WDR17: variants seen among roughly 807,000 people sequenced by gnomAD.
WDR17 encodes the protein WD repeat-containing protein 17.
Under a neutral mutation model 161.7 loss-of-function variants are expected in WDR17, and 143 were observed. That is an observed-to-expected ratio of 0.88 (90% CI 0.77 to 1.02). The LOEUF is 1.02. Ranked by LOEUF, WDR17 falls within the 50% of genes least tolerant of loss-of-function variation. The pLI is 0.00. For missense variants in WDR17, 1,469 were observed against 1,520.9 expected, an observed-to-expected ratio of 0.97 and a Z score of 0.57; for synonymous variants, 517 against 515.6, an observed-to-expected ratio of 1.00 and a Z score of -0.04.
intron 1 of WDR17, among the ~76,000 whole-genome samples, chr4:176,088,416 C>G (rs1188270012): frequency 1.3e-5 from 2 of 151,982 alleles, no homozygotes; most frequent in East Asian, 1.9e-4. Flanking sequence ...GAGACCCTAT[C>G]TCTTTAAAAA....
At chr4:176,153,704 A>G (rs1449368917) in intron 17 of WDR17, among the ~76,000 whole-genome samples, 2 of 152,224 alleles carry the variant, frequency 1.3e-5, no homozygotes, top group Non-Finnish European at 2.9e-5. Context: ...TGTAAATAAT[A>G]TAAAGTAAAA....
chr4:176,127,294 ATT>A lies in WDR17; in HGVS notation c.791-1429_791-1428del, dbSNP rs34588473. On this transcript the variant is annotated intron_variant, in intron 5 of 28. Coordinates refer to ENST00000508596, the MANE Select transcript of WDR17 (RefSeq NM_181265.4). ...GGATATAATTAATAATAGGCATGGA[ATT>A]TTTTTTTTTTTTTTGAGACAGTGTC... Among the ~76,000 whole-genome samples the A allele has an allele frequency of 9.2e-3, 1,311 of 143,024 alleles. 28 individuals carry two copies. Among genetic ancestry groups the A allele is most frequent in the African/African-American group, 0.031 (1,204 of 39,270 alleles). The allele number at this position is 143,024 out of a possible 152,430, so 93.8% of individuals were successfully genotyped here. A position where few individuals can be genotyped will look rare whatever the true frequency, so the allele number is the denominator to read the frequency against.
At chr4:176,169,965 A>C (rs1750466756) in intron 23 of WDR17, among the ~76,000 whole-genome samples, 1 of 152,204 alleles carries the variant, frequency 6.6e-6, no homozygotes, top group African/African-American at 2.4e-5. Flanking sequence ...TAAAATGCAT[A>C]TGAAAGAAAG....
At position 176,065,913 on chromosome 4, in the gene WDR17, C is replaced by T. The variant is rs1732458383; in HGVS notation, c.-173C>T. ...GCGCTGGGGCTTGCGGAGCACGCTT[C>T]CCGCCCCTCGGAGCCCGCGGGCCCG... On this transcript the variant is annotated 5_prime_UTR_variant, in exon 1 of 29. Coordinates refer to ENST00000508596, the MANE Select transcript of WDR17 (RefSeq NM_181265.4). 6.6e-6 allele frequency: 1 copy of T among 152,074 alleles called. No individual in the cohort carries two copies. Among genetic ancestry groups the T allele is most frequent in the Non-Finnish European group, 1.5e-5 (1 of 68,008 alleles). 9.4% of individuals were successfully genotyped at this position (152,074 alleles called of 1,614,324 possible). A position where few individuals can be genotyped will look rare whatever the true frequency, so the allele number is the denominator to read the frequency against.
At chr4:176,120,968 C>T (rs1741482450) in intron 4 of WDR17, among the ~76,000 whole-genome samples, 1 of 151,968 alleles carries the variant, frequency 6.6e-6, no homozygotes, top group Admixed American at 6.6e-5. Flanking sequence ...AACATTGAAA[C>T]ATTGGGGCCA....
At chr4:176,158,094 T>G (rs189087318) in intron 18 of WDR17, among the ~76,000 whole-genome samples, 2 of 152,310 alleles carry the variant, frequency 1.3e-5, no homozygotes, top group African/African-American at 4.8e-5. Context: ...TTCTTTTTCC[T>G]AAGAGGAACA....
In WDR17 at chr4:176,124,701, A is replaced by G. The variant is rs1742165675; in HGVS notation, c.539-403A>G. Reference sequence around the variant, plus strand: ...CAGGATCGGAACCAGGCAGTCAGCCAGCTCTAACATTTATCCTTTTAAATC... The same window carrying G: ...CAGGATCGGAACCAGGCAGTCAGCCGGCTCTAACATTTATCCTTTTAAATC... On this transcript the variant is annotated intron_variant, in intron 4 of 28. Coordinates refer to ENST00000508596, the MANE Select transcript of WDR17 (RefSeq NM_181265.4). Among the ~76,000 whole-genome samples the G allele has an allele frequency of 2.0e-5, 3 of 152,236 alleles. No individual in the cohort carries two copies. In the South Asian group the frequency reaches 6.2e-4, roughly 31 times the overall value.
At chr4:176,090,334 A>G (rs1469063059) in intron 1 of WDR17, among the ~76,000 whole-genome samples, 1 of 151,272 alleles carries the variant, frequency 6.6e-6, no homozygotes, top group Non-Finnish European at 1.5e-5. Context: ...CTCTGCGCAC[A>G]CCAGCTCCTC....
Position 176,122,609 on chromosome 4 carries a change from T to G in WDR17, c.539-2495T>G, listed in dbSNP as rs10005513. Among the ~76,000 whole-genome samples the G allele has an allele frequency of 8.5e-3, 1,301 of 152,300 alleles. 29 individuals carry two copies. The highest frequency in any genetic ancestry group is 0.029 in the African/African-American group (1,205 of 41,552). On this transcript the variant is annotated intron_variant, in intron 4 of 28. Coordinates refer to ENST00000508596, the MANE Select transcript of WDR17 (RefSeq NM_181265.4). ...ATTGTGAGTTTGAAACTGTTAGCAT[T>G]AATACCAGTATAGCTAGGCTTCTTA... is the stretch of plus-strand genomic sequence containing the variant.
At chr4:176,150,725 A>G in intron 16 of WDR17, 132 bp downstream of exon 16, 1 of 875,058 alleles carries the variant, frequency 1.1e-6, no homozygotes, top group East Asian at 3.2e-5. Flanking sequence ...GAGGAGATCC[A>G]TCTTGGGTAA....
In WDR17 at chr4:176,084,447, C is replaced by T. The variant is rs1191850964; in HGVS notation, c.-7+18368C>T. ...ATTAATCTATTTATAAGAGAGCTGC[C>T]TCTATAATACAGACACCTTTCCATT... On this transcript the variant is annotated intron_variant, in intron 1 of 28. Coordinates refer to ENST00000508596, the MANE Select transcript of WDR17 (RefSeq NM_181265.4). 3.3e-5 allele frequency among the ~76,000 whole-genome samples: 5 copies of T among 152,036 alleles called. No individual in the cohort carries two copies. The East Asian group carries it at 9.6e-4, about 29-fold the overall frequency.
intron 1 of WDR17, among the ~76,000 whole-genome samples, chr4:176,109,447 CTGTT>C (rs1356160589): frequency 1.3e-5 from 2 of 152,066 alleles, no homozygotes; most frequent in African/African-American, 4.8e-5. Flanking sequence ...ATTGGTAGCC[CTGTT>C]TGTTTGTCAT....
rs1743329411 is a variant in WDR17, at chr4:176,130,860, A to G, written c.914-694A>G. On this transcript the variant is annotated intron_variant, in intron 6 of 28. Transcript: ENST00000508596. ...TATTTTGGATTATGTTTGCAAGAAAATATTTGGATTCACATTCTAAGGAAG... is the reference window on the plus strand; with the variant it reads ...TATTTTGGATTATGTTTGCAAGAAAGTATTTGGATTCACATTCTAAGGAAG... Among the ~76,000 whole-genome samples, 3 of 152,206 alleles carry G rather than the reference A, an allele frequency of 2.0e-5. No individual in the cohort carries two copies. In the South Asian group the frequency reaches 6.2e-4, roughly 31 times the overall value.
intron 4 of WDR17, among the ~76,000 whole-genome samples, chr4:176,122,482 T>A (rs1011791347): frequency 1.3e-5 from 2 of 152,186 alleles, no homozygotes; most frequent in Admixed American, 1.3e-4. Context: ...GCACAAAACA[T>A]TATAAAAGAT....
chr4:176,172,759 G>T (rs1245903196), intron 24 of WDR17, among the ~76,000 whole-genome samples: 3 of 152,124 alleles, frequency 2.0e-5, no homozygotes, highest in African/African-American at 4.8e-5. Flanking sequence ...AGAAGGTGGT[G>T]CAGGAGCAGG....
chr4:176,076,559 A>G lies in WDR17; in HGVS notation c.-7+10480A>G, dbSNP rs531523466. On this transcript the variant is annotated intron_variant, in intron 1 of 28. Transcript: ENST00000508596. ...ATCTTTCAATTTCTCTAAATTTTAA[A>G]AAATCTCTTATTTTCCAGTGTTTTG... Among the ~76,000 whole-genome samples, 8 of 151,896 alleles carry G rather than the reference A, an allele frequency of 5.3e-5. No homozygotes were observed. In the East Asian group the frequency reaches 1.4e-3, roughly 26 times the overall value.
chr4:176,068,544 G>A (rs931690494), intron 1 of WDR17, among the ~76,000 whole-genome samples: 42 of 152,196 alleles, frequency 2.8e-4, no homozygotes, highest in African/African-American at 9.9e-4. Flanking sequence ...GGAGGTTGCA[G>A]TGAGCCAAGA....
intron 1 of WDR17, among the ~76,000 whole-genome samples, chr4:176,091,773 A>G (rs979074522): frequency 1.9e-4 from 29 of 152,168 alleles, no homozygotes; most frequent in African/African-American, 7.0e-4. Flanking sequence ...AAATTCAGAG[A>G]TGAAAAAAGA....
chr4:176,170,789 TAGTG>T (rs890790107), intron 23 of WDR17, among the ~76,000 whole-genome samples: 4 of 152,228 alleles, frequency 2.6e-5, no homozygotes, highest in Admixed American at 2.6e-4. Context: ...TTAGAAAGAC[TAGTG>T]AGTATGTGTA....
Sources: gnomAD v4.1 joint callset for allele counts (sites outside exome capture counted in the v4.1 genomes callset) on GRCh38, gnomAD v4.1.1 for gene constraint, MANE v1.5 for transcripts, NCBI Gene and HGNC (gene_info 2026-07-23, HGNC 2026-07-21) for gene names.